The following STPG1 variants were observed in gnomAD, a reference collection of about 807,000 sequenced individuals.
STPG1 encodes the protein O(6)-methylguanine-induced apoptosis 2.
Under a neutral mutation model 40.1 loss-of-function variants are expected in STPG1, and 33 were observed. That is an observed-to-expected ratio of 0.82 (90% CI 0.62 to 1.10). STPG1 has a LOEUF of 1.10. Ranked by LOEUF, STPG1 falls within the 50% of genes least tolerant of loss-of-function variation. The pLI is 0.00. For missense variants in STPG1, 396 were observed against 415.1 expected, an observed-to-expected ratio of 0.95 and a Z score of 0.40; for synonymous variants, 150 against 155.0, an observed-to-expected ratio of 0.97 and a Z score of 0.24.
intron 1 of STPG1, among the ~76,000 whole-genome samples, chr1:24,405,338 A>C (rs1643373513): frequency 6.6e-6 from 1 of 152,152 alleles, no homozygotes. Context: ...ATATATTTTA[A>C]CATGTTGTGT....
intron 2 of STPG1, chr1:24,401,004 TA>T (rs533387046): frequency 3.9e-6 from 1 of 255,598 alleles, no homozygotes. Context: ...TTCTAGGAAA[TA>T]AAAAAAGATC....
chr1:24,400,810 G>A (rs1326040994), intron 2 of STPG1, among the ~76,000 whole-genome samples: 6 of 152,202 alleles, frequency 3.9e-5, no homozygotes, highest in Non-Finnish European at 1.5e-5. Flanking sequence ...AATGTGGATG[G>A]TTGACCAATG....
At chr1:24,392,143 C>A (rs996667083) in intron 2 of STPG1, 6 of 918,124 alleles carry the variant, frequency 6.5e-6, no homozygotes, top group Admixed American at 1.2e-4. Flanking sequence ...CTGGCTCTCA[C>A]TTTTCAGGGC....
Position 24,358,263 on chromosome 1 carries a change from G to C in STPG1, c.*280C>G, listed in dbSNP as rs1027397600. On this transcript the variant is annotated 3_prime_UTR_variant, in exon 9 of 9. Transcript: ENST00000337248. ...GTGCCGGAAGGCAGCCTGGATGGGTGCGTGGGGAAGCAGCCAGGGGGCTCT... is the reference window on the plus strand; with the variant it reads ...GTGCCGGAAGGCAGCCTGGATGGGTCCGTGGGGAAGCAGCCAGGGGGCTCT... 1.6e-6 allele frequency: 1 copy of C among 634,160 alleles called. No homozygotes were observed. The highest frequency in any genetic ancestry group is 3.2e-5 in the East Asian group (1 of 31,168). 39.3% of individuals were successfully genotyped at this position (634,160 alleles called of 1,614,324 possible).
chr1:24,396,083 G>A (rs1642987806), intron 2 of STPG1, among the ~76,000 whole-genome samples: 2 of 152,042 alleles, frequency 1.3e-5, no homozygotes, highest in African/African-American at 4.8e-5. Flanking sequence ...ATAAAGGCCA[G>A]GAAGGGAAAA....
chr1:24,391,941 G>A (rs575245628), intron 2 of STPG1: 64 of 1,146,120 alleles, frequency 5.6e-5, no homozygotes, highest in Admixed American at 1.9e-4. Context: ...AGGCTGTCCC[G>A]GAGAAAAGGA....
intron 7 of STPG1, chr1:24,369,468 A>G: frequency 1.4e-6 from 1 of 697,470 alleles, no homozygotes; most frequent in Non-Finnish European, 2.7e-6. Context: ...ATACAATTTT[A>G]AGTTCCTGGC....
At chr1:24,364,403 A>G (rs1311730064) in intron 7 of STPG1, 1 of 1,507,758 alleles carries the variant, frequency 6.6e-7, no homozygotes. Context: ...TGGAAGGACG[A>G]CGGCAGGTCA....
intron 6 of STPG1, among the ~76,000 whole-genome samples, 186 bp downstream of exon 6, chr1:24,373,516 T>C (rs2148689251): frequency 6.6e-6 from 1 of 152,302 alleles, no homozygotes; most frequent in South Asian, 2.1e-4. Context: ...AGCCAGCCAT[T>C]GTCCTCCTGG....
intron 2 of STPG1, among the ~76,000 whole-genome samples, chr1:24,394,578 T>C (rs1642912927): frequency 6.6e-6 from 1 of 152,196 alleles, no homozygotes; most frequent in Non-Finnish European, 1.5e-5. Context: ...TAACTGTATT[T>C]CATATGTTCA....
intron 1 of STPG1, among the ~76,000 whole-genome samples, chr1:24,405,737 T>G (rs1643390663): frequency 6.6e-6 from 1 of 152,164 alleles, no homozygotes; most frequent in Non-Finnish European, 1.5e-5. Context: ...TTTTATGTCT[T>G]TTTGGTGAAT....
intron 1 of STPG1, among the ~76,000 whole-genome samples, chr1:24,408,873 CCTTA>C (rs1643508848): frequency 2.0e-5 from 3 of 152,180 alleles, no homozygotes; most frequent in African/African-American, 7.2e-5. Context: ...CAGTATTTTT[CCTTA>C]CTTTATTCTG....
At position 24,401,340 on chromosome 1, in the gene STPG1, G is replaced by A. The variant is rs1352560339; in HGVS notation, c.49C>T (p.Arg17Cys). Reference protein sequence around the residue: ...KNERTGKHPRRASEVQKGFTA... With the variant: ...KNERTGKHPRCASEVQKGFTA... ...GTACCTTTCTGTACTTCACTGGCAC[G>A]TCTGGGATGTTTGCCAGTGCGTTCA... The change falls in exon 2 of 9, where the codon CGT (arginine) becomes TGT (cysteine). Residue 17 changes from arginine to cysteine, a missense_variant. Physicochemically the swap from Arg to Cys is radical, Grantham distance 180. Transcript: ENST00000337248. The A allele has an allele frequency of 1.1e-5, 18 of 1,613,930 alleles. No individual in the cohort carries two copies. Among genetic ancestry groups the A allele is most frequent in the African/African-American group, 8.0e-5 (6 of 74,886 alleles).
At chr1:24,358,762 GAACTGGCCCGAGGTTATTTGGCTCTT>G (rs1456404367) in intron 8 of STPG1, 143 bp from the exon 9 acceptor site, 1 of 624,924 alleles carries the variant, frequency 1.6e-6, no homozygotes, top group East Asian at 2.7e-5. Context: ...AGAGAGGAAG[GAACTGGCCCGAGGTTATTTGGCTCTT>G]AACTGGCCCA....
chr1:24,388,679 G>A (rs1331550308), intron 3 of STPG1, among the ~76,000 whole-genome samples: 2 of 152,240 alleles, frequency 1.3e-5, no homozygotes, highest in East Asian at 3.8e-4. Flanking sequence ...GGTGACTAAT[G>A]CTTTAAGAAG....
At chr1:24,406,796 T>C (rs559448137) in intron 1 of STPG1, among the ~76,000 whole-genome samples, 1 of 152,320 alleles carries the variant, frequency 6.6e-6, no homozygotes, top group South Asian at 2.1e-4. Flanking sequence ...ATCCATCAAC[T>C]TTTAAGCTTT....
At chr1:24,382,350 C>A (rs982370512) in intron 4 of STPG1, among the ~76,000 whole-genome samples, 4 of 152,178 alleles carry the variant, frequency 2.6e-5, no homozygotes, top group Admixed American at 2.6e-4. Flanking sequence ...TGGTAACAAT[C>A]ATAATATTTA....
chr1:24,382,190 C>T lies in STPG1; in HGVS notation c.291+1712G>A, dbSNP rs77566022. 3.2e-3 allele frequency among the ~76,000 whole-genome samples: 488 copies of T among 152,288 alleles called. 4 individuals carry two copies. The highest frequency in any genetic ancestry group is 0.011 in the African/African-American group (452 of 41,556). On this transcript the variant is annotated intron_variant, in intron 4 of 8. Transcript: ENST00000337248. Reference sequence around the variant, plus strand: ...GTCAGGCTTTTCATTTGGAAAGTTACCGCACGCAAAGCCTTGTAGACAACC... The same window carrying T: ...GTCAGGCTTTTCATTTGGAAAGTTATCGCACGCAAAGCCTTGTAGACAACC...
At chr1:24,373,886 GC>G (rs780579863) in intron 5 of STPG1, 76 bp from the exon 6 acceptor site, 358 of 1,043,492 alleles carry the variant, frequency 3.4e-4, no homozygotes, top group Non-Finnish European at 5.1e-4. Flanking sequence ...TGGACAAGTG[GC>G]AAATCTACGT....
Sources: allele counts gnomAD v4.1 joint callset (sites outside exome capture counted in the v4.1 genomes callset), GRCh38; gene constraint gnomAD v4.1.1; transcripts MANE v1.5; gene names NCBI Gene and HGNC (gene_info 2026-07-23, HGNC 2026-07-21).